TRPV3: variants seen among roughly 807,000 people sequenced by gnomAD.
TRPV3 encodes VRL-3.
Under a neutral mutation model 87.1 loss-of-function variants are expected in TRPV3, and 88 were observed. The ratio of observed to expected loss-of-function variants is 1.01; its 90% CI spans 0.85 to 1.21. TRPV3 has a LOEUF of 1.21. TRPV3 is among the 50% of genes most tolerant of loss of function. The pLI is 0.00. For missense variants in TRPV3, 1,054 were observed against 1,030.1 expected (o/e 1.02, Z -0.32); for synonymous variants, 438 against 423.3 (o/e 1.03, Z -0.43).
At chr17:3,555,504 T>C (rs966919206) in intron 1 of TRPV3, among the ~76,000 whole-genome samples, 1 of 152,210 alleles carries the variant, frequency 6.6e-6, no homozygotes, top group Non-Finnish European at 1.5e-5. Context: ...AACCAGCTTA[T>C]GGCTGCCTGT....
chr17:3,529,678 G>A (rs891045511), intron 9 of TRPV3, among the ~76,000 whole-genome samples: 14 of 152,014 alleles, frequency 9.2e-5, no homozygotes, highest in Non-Finnish European at 1.8e-4. Flanking sequence ...ATACACCAAC[G>A]GGGGGTGGGA....
In TRPV3 at chr17:3,513,710, A is replaced by G. The variant is rs1006630449; in HGVS notation, c.*207T>C. 31 of 485,156 alleles carry G rather than the reference A, an allele frequency of 6.4e-5. 1 individual carries two copies. The Middle Eastern group carries it at 2.2e-3, about 34-fold the overall frequency. The allele number at this position is 485,156 out of a possible 1,614,324, so 30.1% of individuals were successfully genotyped here. ...GGTTTACACCAGCTGTTTGCCAAGT[A>G]ACAAAATCCAGGATGTTTCCCACTC... On this transcript the variant is annotated 3_prime_UTR_variant, in exon 18 of 18. Coordinates refer to ENST00000576742, the MANE Select transcript of TRPV3 (RefSeq NM_145068.4).
rs1332651983 is a variant in TRPV3, at chr17:3,518,356, G to A, written c.2085+220C>T. 6.6e-6 allele frequency among the ~76,000 whole-genome samples: 1 copy of A among 152,150 alleles called. No homozygotes were observed. The highest frequency in any genetic ancestry group is 1.5e-5 in the Non-Finnish European group (1 of 68,020). On this transcript the variant is annotated intron_variant, in intron 15 of 17. Transcript: ENST00000576742. The surrounding 1 kb of genome is among the most constrained non-coding windows in gnomAD (Gnocchi z 4.3). Reference sequence around the variant, plus strand: ...AACCCTGAGCAGAGCACCCCCATGAGCCTGAGTTTTTCTACACATTCTGTT... The same window carrying A: ...AACCCTGAGCAGAGCACCCCCATGAACCTGAGTTTTTCTACACATTCTGTT...
In TRPV3 at chr17:3,512,168, T is replaced by C. The variant is rs1191353809; in HGVS notation, c.*1749A>G. On this transcript the variant is annotated 3_prime_UTR_variant, in exon 18 of 18. Transcript: ENST00000576742. ...TTTCTCAATTTCCTAATTCTGCCCATTCTGAAACACATCTGCTCCTCCTGC... is the reference window on the plus strand; with the variant it reads ...TTTCTCAATTTCCTAATTCTGCCCACTCTGAAACACATCTGCTCCTCCTGC... 1 of 152,264 alleles carries C rather than the reference T, an allele frequency of 6.6e-6. No homozygotes were observed. Among genetic ancestry groups the C allele is most frequent in the Non-Finnish European group, 1.5e-5 (1 of 68,066 alleles). The allele number at this position is 152,264 out of a possible 1,614,324, so 9.4% of individuals were successfully genotyped here.
chr17:3,527,231 T>C (rs2074308020), intron 11 of TRPV3, among the ~76,000 whole-genome samples: 1 of 152,198 alleles, frequency 6.6e-6, no homozygotes, highest in South Asian at 2.1e-4. Flanking sequence ...CAGCCTAGCG[T>C]TCCAGCCTCC....
chr17:3,516,615 G>T, intron 15 of TRPV3, 46 bp from the exon 16 acceptor site: 1 of 1,383,014 alleles, frequency 7.2e-7, no homozygotes, highest in Non-Finnish European at 1.0e-6. Context: ...ACACTCACAA[G>T]CACACACAAG....
intron 6 of TRPV3, among the ~76,000 whole-genome samples, chr17:3,540,199 G>A (rs560001432): frequency 3.3e-5 from 5 of 152,324 alleles, no homozygotes; most frequent in African/African-American, 7.2e-5. Flanking sequence ...AAACTTTAGA[G>A]TGGACAATCA....
chr17:3,528,738 G>T lies in TRPV3; in HGVS notation c.1401+99C>A. On this transcript the variant is annotated intron_variant, in intron 10 of 17. Coordinates refer to ENST00000576742, the MANE Select transcript of TRPV3 (RefSeq NM_145068.4). The surrounding 1 kb of genome is among the most constrained non-coding windows in gnomAD (Gnocchi z 4.2). The stretch of plus-strand genomic sequence containing the variant: ...ACTGGGGGACCCCGCCCAATCTCCT[G>T]GTCTCTCTGGGCCTCAGTTTTCCCA... 7.0e-7 allele frequency: 1 copy of T among 1,420,728 alleles called. No individual in the cohort carries two copies. The highest frequency in any genetic ancestry group is 9.6e-7 in the Non-Finnish European group (1 of 1,039,788). 88.0% of individuals were successfully genotyped at this position (1,420,728 alleles called of 1,614,324 possible).
Position 3,528,172 on chromosome 17 carries a change from C to G in TRPV3, c.1402-46G>C, listed in dbSNP as rs1443044901. 6.7e-7 allele frequency: 1 copy of G among 1,497,722 alleles called. No homozygotes were observed. The highest frequency in any genetic ancestry group is 2.3e-5 in the East Asian group (1 of 43,196). 92.8% of individuals were successfully genotyped at this position (1,497,722 alleles called of 1,614,324 possible). ...TGGTCAGTATAGGAAGCAAGGAGGA[C>G]AGGGCTGGCACCAACTCTAGAGGGA... On this transcript the variant is annotated intron_variant, in intron 10 of 17. Coordinates refer to ENST00000576742, the MANE Select transcript of TRPV3 (RefSeq NM_145068.4). The surrounding 1 kb of genome is among the most constrained non-coding windows in gnomAD (Gnocchi z 4.2).
intron 16 of TRPV3, among the ~76,000 whole-genome samples, chr17:3,515,976 C>T (rs2074179660): frequency 6.6e-6 from 1 of 152,112 alleles, no homozygotes; most frequent in Non-Finnish European, 1.5e-5. Context: ...CACCTGAGGT[C>T]AGGAGTTTGA....
rs1411826737 is a variant in TRPV3 at position 3,530,052 on chromosome 17, A to G, written c.1217T>C (p.Ile406Thr). 1 of 1,613,684 alleles carries G rather than the reference A, an allele frequency of 6.2e-7. No individual in the cohort carries two copies. Among genetic ancestry groups the G allele is most frequent in the Non-Finnish European group, 8.5e-7 (1 of 1,179,794 alleles). ...DTTTDNSVLE[I>T]TVYNTNIDNR... is the part of the protein sequence containing the mutation. ...GTCGATGTTGGTGTTGTAGACAGTG[A>G]TTTCCAGCACTGAGTTGTCCGTGGT... Residue 406 changes from isoleucine to threonine, a missense_variant, in exon 9 of 18, where the codon ATC becomes ACC. Coordinates refer to ENST00000576742, the MANE Select transcript of TRPV3 (RefSeq NM_145068.4). The surrounding 1 kb of genome is among the most constrained non-coding windows in gnomAD (Gnocchi z 4.0).
chr17:3,519,700 GGATA>G (rs1268993998), intron 14 of TRPV3, among the ~76,000 whole-genome samples: 23 of 103,656 alleles, frequency 2.2e-4, no homozygotes, highest in South Asian at 8.9e-4. Context: ...TTGGATGGAT[GGATA>G]GATGGATGGA....
In TRPV3 at chr17:3,511,295, C is replaced by A. The variant is rs886052841; in HGVS notation, c.*2622G>T. On this transcript the variant is annotated 3_prime_UTR_variant, in exon 18 of 18. Coordinates refer to ENST00000576742, the MANE Select transcript of TRPV3 (RefSeq NM_145068.4). ...GACACCTGAGAAAATAGTCCTGCCCCCCAATATAAGCGAAATACAAAGACT... is the reference window on the plus strand; with the variant it reads ...GACACCTGAGAAAATAGTCCTGCCCACCAATATAAGCGAAATACAAAGACT... 1 of 152,042 alleles carries A rather than the reference C, an allele frequency of 6.6e-6. No homozygotes were observed. Among genetic ancestry groups the A allele is most frequent in the Non-Finnish European group, 1.5e-5 (1 of 68,022 alleles). 9.4% of individuals were successfully genotyped at this position (152,042 alleles called of 1,614,324 possible). A position where few individuals can be genotyped will look rare whatever the true frequency, so the allele number is the denominator to read the frequency against.
chr17:3,514,701 T>TAGTAC (rs201871427), intron 16 of TRPV3, 29 bp from the exon 17 acceptor site: 4 of 1,557,540 alleles, frequency 2.6e-6, no homozygotes, highest in Non-Finnish European at 3.5e-6. Context: ...TTCTTACTAT[T>TAGTAC]TCACCAGTGC....
chr17:3,524,380 G>C lies in TRPV3; in HGVS notation c.1578-17C>G. The C allele has an allele frequency of 1.2e-6, 2 of 1,613,482 alleles. No homozygotes were observed. The highest frequency in any genetic ancestry group is 1.7e-6 in the Non-Finnish European group (2 of 1,179,624). ...TGGATAAAACTGTTCAGGAGACACA[G>C]GAGACACGGGCCTTACTTACTTCTC... On this transcript the variant is annotated splice_polypyrimidine_tract_variant and intron_variant, in intron 12 of 17. Transcript: ENST00000576742.
chr17:3,516,695 G>T, intron 15 of TRPV3, 126 bp from the exon 16 acceptor site: 1 of 704,214 alleles, frequency 1.4e-6, no homozygotes, highest in Non-Finnish European at 2.5e-6. Context: ...CAAGGGTTTG[G>T]CTAATCTACA....
chr17:3,533,501 C>CT (rs11378089), intron 7 of TRPV3, among the ~76,000 whole-genome samples: 72,942 of 139,182 alleles, frequency 0.52, 20,101 homozygotes, highest in East Asian at 0.67. Flanking sequence ...CTCTGCTTTA[C>CT]TTTTTTTTTT....
intron 9 of TRPV3, among the ~76,000 whole-genome samples, chr17:3,529,457 A>T (rs2074329453): frequency 1.3e-5 from 2 of 152,022 alleles, no homozygotes; most frequent in South Asian, 4.2e-4. Context: ...CATGACTCTT[A>T]GTAAAGTATG....
At position 3,532,830 on chromosome 17, in the gene TRPV3, T is replaced by C. The variant is rs1166378652; in HGVS notation, c.892A>G (p.Asn298Asp). 8.1e-6 allele frequency: 13 copies of C among 1,614,260 alleles called. No homozygotes were observed. The highest frequency in any genetic ancestry group is 1.7e-5 in the Admixed American group (1 of 60,036). ...DITSRDSRGN[N>D]ILHALVTVAE... The stretch of plus-strand genomic sequence containing the variant: ...ACGGTCACCAGGGCGTGAAGGATGT[T>C]GTTGCCTCGTGAGTCCCGCGAGGTG... Residue 298 changes from asparagine to aspartate, a missense_variant, in exon 8 of 18, where the codon AAC (asparagine) becomes GAC (aspartate). Coordinates refer to ENST00000576742, the MANE Select transcript of TRPV3 (RefSeq NM_145068.4).
Sources: allele counts gnomAD v4.1 joint callset (sites outside exome capture counted in the v4.1 genomes callset), GRCh38; gene constraint gnomAD v4.1.1; non-coding constraint Gnocchi (gnomAD v3.1); transcripts MANE v1.5; gene names NCBI Gene and HGNC (gene_info 2026-07-23, HGNC 2026-07-21).